NRF1: variants seen among roughly 807,000 people sequenced by gnomAD.
The protein encoded by NRF1 is nuclear respiratory factor 1.
A neutral mutation model predicts 58.5 loss-of-function variants in NRF1; 5 were observed. That is an observed-to-expected ratio of 0.09 (90% confidence interval 0.04 to 0.18). The LOEUF is 0.18. Ranked by LOEUF, NRF1 falls within the 10% of genes least tolerant of loss-of-function variation. NRF1 has a pLI of 1.00. For synonymous variants in NRF1, 224 were observed against 246.7 expected, an observed-to-expected ratio of 0.91 and a Z score of 0.86; for missense variants, 288 against 657.7, an observed-to-expected ratio of 0.44 and a Z score of 6.15.
intron 10 of NRF1, among the ~76,000 whole-genome samples, chr7:129,727,582 A>G (rs969026998): frequency 5.3e-5 from 8 of 152,138 alleles, no homozygotes; most frequent in African/African-American, 1.7e-4. Flanking sequence ...GATAATGGCT[A>G]CCTAATTGAA....
intron 5 of NRF1, among the ~76,000 whole-genome samples, chr7:129,702,383 AC>A (rs1473993429): frequency 6.6e-6 from 1 of 152,198 alleles, no homozygotes; most frequent in Non-Finnish European, 1.5e-5. Flanking sequence ...TTCTGAAGTT[AC>A]GTTGATCTTT....
Position 129,718,242 on chromosome 7 carries a change from A to C in NRF1, c.1223+866A>C, listed in dbSNP as rs1291867522. ...TCAGGGATTTAAATTAATGGTCAAG[A>C]GTGTGAGCCTTGACGCCAGACTACT... On this transcript the variant is annotated intron_variant, in intron 9 of 10. Coordinates refer to ENST00000393232, the MANE Select transcript of NRF1 (RefSeq NM_005011.5). Among the ~76,000 whole-genome samples, 5 of 152,232 alleles carry C rather than the reference A, an allele frequency of 3.3e-5. No individual in the cohort carries two copies. The East Asian group carries it at 7.7e-4, about 23-fold the overall frequency.
In NRF1 at chr7:129,734,303, C is replaced by T. The variant is rs1002692638; in HGVS notation, c.1348+6938C>T. ...GCTGAGACACAGAAAGTTTCAGTAA[C>T]TTAACCAAGTTCACATAGAGAGTGG... On this transcript the variant is annotated intron_variant, in intron 10 of 10. Coordinates refer to ENST00000393232, the MANE Select transcript of NRF1 (RefSeq NM_005011.5). 3.9e-5 allele frequency among the ~76,000 whole-genome samples: 6 copies of T among 152,194 alleles called. No homozygotes were observed. The South Asian group carries it at 1.2e-3, about 32-fold the overall frequency.
At chr7:129,623,830 T>G (rs1359808015) in intron 1 of NRF1, among the ~76,000 whole-genome samples, 1 of 152,212 alleles carries the variant, frequency 6.6e-6, no homozygotes, top group East Asian at 1.9e-4. Context: ...TTTGAAAGAT[T>G]AAGATCTTTT....
chr7:129,749,235 G>A (rs1414489933), intron 10 of NRF1, among the ~76,000 whole-genome samples: 2 of 152,342 alleles, frequency 1.3e-5, no homozygotes, highest in Non-Finnish European at 2.9e-5. Context: ...TGTCCAGGGA[G>A]GCAGGGGGAA....
intron 10 of NRF1, among the ~76,000 whole-genome samples, chr7:129,749,030 C>T (rs1402457819): frequency 6.6e-6 from 1 of 152,248 alleles, no homozygotes; most frequent in Non-Finnish European, 1.5e-5. Flanking sequence ...GTGCCACCAT[C>T]AGAGACAGAC....
intron 1 of NRF1, among the ~76,000 whole-genome samples, chr7:129,619,490 G>GTATATATA (rs67190499): frequency 3.4e-3 from 163 of 48,376 alleles, no homozygotes; most frequent in Middle Eastern, 0.013. Context: ...GTGTGTGTGT[G>GTATATATA]TATATATATA....
intron 3 of NRF1, among the ~76,000 whole-genome samples, chr7:129,675,603 G>A (rs867210468): frequency 5.3e-5 from 8 of 152,190 alleles, no homozygotes; most frequent in Admixed American, 3.9e-4. Context: ...CTCCTTGTAC[G>A]TCTCCGTTAG....
rs757339497 is a variant in NRF1 at position 129,671,471 on chromosome 7, A to G, written c.266A>G (p.Lys89Arg). Residue 89 changes from lysine to arginine, a missense_variant, in exon 3 of 11, where the codon AAG becomes AGG. Transcript: ENST00000393232. Reference protein sequence around the residue: ...MAAAAAVATGKKRKRPHVFES... With the variant: ...MAAAAAVATGRKRKRPHVFES... ...GCTGCTGCTGCTGTGGCAACAGGAA[A>G]GAAACGGAAACGGCCTCATGTATTT... 5 of 1,614,164 alleles carry G rather than the reference A, an allele frequency of 3.1e-6. No individual in the cohort carries two copies. In the Admixed American group the frequency reaches 8.3e-5, roughly 27 times the overall value.
intron 2 of NRF1, 101 bp from the exon 3 acceptor site, chr7:129,671,328 T>C (rs1802043270): frequency 1.5e-6 from 1 of 646,764 alleles, no homozygotes; most frequent in Non-Finnish European, 2.8e-6. Context: ...CCGACAACAA[T>C]ATTAGGAAAG....
chr7:129,711,939 G>A (rs903048958), intron 8 of NRF1, among the ~76,000 whole-genome samples: 42 of 152,086 alleles, frequency 2.8e-4, no homozygotes, highest in Non-Finnish European at 5.3e-4. Context: ...AACTGACTAA[G>A]GGAAGCCTTC....
intron 10 of NRF1, among the ~76,000 whole-genome samples, chr7:129,748,559 CAT>C (rs761554227): frequency 1.3e-4 from 20 of 152,246 alleles, no homozygotes; most frequent in Middle Eastern, 3.4e-3. Flanking sequence ...CCAAGGGACA[CAT>C]GTGATTGTAA....
chr7:129,643,927 G>C (rs1801348612), intron 1 of NRF1, among the ~76,000 whole-genome samples: 1 of 152,216 alleles, frequency 6.6e-6, no homozygotes, highest in Non-Finnish European at 1.5e-5. Flanking sequence ...CCCTGAATCT[G>C]CTGTCTGCGC....
At chr7:129,664,410 A>G (rs1562964024) in intron 2 of NRF1, among the ~76,000 whole-genome samples, 1 of 152,200 alleles carries the variant, frequency 6.6e-6, no homozygotes, top group South Asian at 2.1e-4. Context: ...AAAATACTAC[A>G]TGTTTTGAAT....
chr7:129,741,308 G>T lies in NRF1; in HGVS notation c.1349-13710G>T, dbSNP rs1478233583. On this transcript the variant is annotated intron_variant, in intron 10 of 10. Transcript: ENST00000393232. This position sits in a 1 kb window ranked among gnomAD's most constrained non-coding sequence, Gnocchi z 4.0. ...TGACTGTGGTCTCCTCTCCATCCACGGTGTCCTCAAGGCCAAGTTACATGC... is the reference window on the plus strand; with the variant it reads ...TGACTGTGGTCTCCTCTCCATCCACTGTGTCCTCAAGGCCAAGTTACATGC... Among the ~76,000 whole-genome samples, 2 of 152,086 alleles carry T rather than the reference G, an allele frequency of 1.3e-5. No homozygotes were observed. The highest frequency in any genetic ancestry group is 4.8e-5 in the African/African-American group (2 of 41,384).
At chr7:129,658,407 T>G (rs1303984841) in intron 2 of NRF1, among the ~76,000 whole-genome samples, 1 of 151,884 alleles carries the variant, frequency 6.6e-6, no homozygotes, top group Admixed American at 6.6e-5. Flanking sequence ...GCCTGGGCAA[T>G]GTAGTGCAAT....
intron 8 of NRF1, among the ~76,000 whole-genome samples, chr7:129,716,584 G>C (rs1016394328): frequency 2.6e-5 from 4 of 152,012 alleles, no homozygotes; most frequent in Non-Finnish European, 5.9e-5. Flanking sequence ...TAAAAGTGTA[G>C]AGTGGGCCGG....
chr7:129,635,260 G>C (rs1562955306), intron 1 of NRF1, among the ~76,000 whole-genome samples: 2 of 152,164 alleles, frequency 1.3e-5, no homozygotes, highest in African/African-American at 4.8e-5. Flanking sequence ...TTTGTAATTT[G>C]TTAATTATAG....
At chr7:129,732,065 A>C (rs190368408) in intron 10 of NRF1, among the ~76,000 whole-genome samples, 1 of 152,178 alleles carries the variant, frequency 6.6e-6, no homozygotes, top group African/African-American at 2.4e-5. Flanking sequence ...AGGACTCCTG[A>C]CCTCCAGGAC....
Sources: allele counts gnomAD v4.1 joint callset (sites outside exome capture counted in the v4.1 genomes callset), GRCh38; gene constraint gnomAD v4.1.1; non-coding constraint Gnocchi (gnomAD v3.1); transcripts MANE v1.5; gene names NCBI Gene and HGNC (gene_info 2026-07-23, HGNC 2026-07-21).